Variants in HDGFL2 observed in about 807,000 individuals in gnomAD.
HDGFL2 encodes HDGF like 2, also known as hepatoma-derived growth factor-related protein 2.
Under a neutral mutation model 77.1 loss-of-function variants are expected in HDGFL2, and 36 were observed. That is an observed-to-expected ratio of 0.47 (90% CI 0.36 to 0.62). HDGFL2 has a LOEUF of 0.62. Among genes scored for constraint, HDGFL2 ranks in the 20% least tolerant of loss-of-function variants. The pLI is 0.00. For synonymous variants in HDGFL2, 463 were observed against 413.1 expected (o/e 1.12, Z -1.46); for missense variants, 976 against 973.4 (o/e 1.00, Z -0.04).
Position 4,501,190 on chromosome 19 carries a change from G to T in HDGFL2, c.1790-1G>T. 1 of 1,613,254 alleles carries T rather than the reference G, an allele frequency of 6.2e-7. No individual in the cohort carries two copies. The highest frequency in any genetic ancestry group is 8.5e-7 in the Non-Finnish European group (1 of 1,179,868). On this transcript the variant is annotated splice_acceptor_variant, in intron 14 of 15. Transcript: ENST00000616600. LOFTEE classifies it high-confidence loss of function. ...TCCTGTGACCCCTCTGTCCCACCCA[G>T]ATCTCTCAGCCCCAGTGAATGGCGA...
chr19:4,478,552 G>A (rs532585004), intron 3 of HDGFL2, among the ~76,000 whole-genome samples: 14 of 152,082 alleles, frequency 9.2e-5, no homozygotes, highest in African/African-American at 2.6e-4. Context: ...CACCAAGAGC[G>A]GACAGGAAGG....
chr19:4,478,958 C>T (rs1258609455), intron 3 of HDGFL2, among the ~76,000 whole-genome samples: 2 of 151,372 alleles, frequency 1.3e-5, no homozygotes, highest in Non-Finnish European at 2.9e-5. Context: ...GCTGGGATTA[C>T]AGGCGTGAGC....
In HDGFL2 at chr19:4,488,754, CG is replaced by C. The variant is rs914269467; in HGVS notation, c.373del (p.Val125SerfsTer7). ...TGACGCTGACGAGGACGATGAGGAC[CG>C]GGGGGTCATGGCCGTCACAGCGGTA... Reference protein sequence around the residue: ...GSDADEDDEDRGVMAVTAVTA... With the variant: ...GSDADEDDEDXGVMAVTAVTA... On this transcript the variant is annotated frameshift_variant, in exon 4 of 16. Transcript: ENST00000616600. LOFTEE classifies it high-confidence loss of function. 6.4e-7 allele frequency: 1 copy of C among 1,553,072 alleles called. No individual in the cohort carries two copies.
chr19:4,496,346 C>G lies in HDGFL2; in HGVS notation c.1269C>G (p.Pro423=), dbSNP rs796149023. The change falls in exon 10 of 16, where the codon CCC becomes CCG. Residue 423 remains proline (P), a synonymous_variant. Transcript: ENST00000616600. ...AGCCGCAGTCCTCAAGCACAGAGCCCGCCAGGAAACCTGGCCAGAAGGAGA... is the reference window on the plus strand; with the variant it reads ...AGCCGCAGTCCTCAAGCACAGAGCCGGCCAGGAAACCTGGCCAGAAGGAGA... The part of the protein sequence containing the change: ...AKKPQSSSTE[P]ARKPGQKEKR... 1 of 1,613,996 alleles carries G rather than the reference C, an allele frequency of 6.2e-7. No homozygotes were observed. The highest frequency in any genetic ancestry group is 8.5e-7 in the Non-Finnish European group (1 of 1,179,994).
intron 1 of HDGFL2, among the ~76,000 whole-genome samples, chr19:4,473,378 G>T (rs997129704): frequency 2.6e-5 from 4 of 151,896 alleles, no homozygotes; most frequent in African/African-American, 4.8e-5. Context: ...GTGTCTGGGG[G>T]TGTCCAGGGT....
chr19:4,501,371 G>T (rs747967548), intron 15 of HDGFL2, 54 bp downstream of exon 15: 3 of 1,533,028 alleles, frequency 2.0e-6, no homozygotes, highest in Non-Finnish European at 2.6e-6. Flanking sequence ...GGTGTGACGC[G>T]CACCCTGGGT....
rs761654777 is a variant in HDGFL2, at chr19:4,475,436, C to G, written c.150-9C>G. On this transcript the variant is annotated splice_polypyrimidine_tract_variant and intron_variant, in intron 2 of 15. Coordinates refer to ENST00000616600, the MANE Select transcript of HDGFL2 (RefSeq NM_001001520.3). ...TCACCTGGGACTGGCCCCCGTTTCC[C>G]TTCTCCAGAGCCTTCCTGGGACCCA... is the stretch of plus-strand genomic sequence containing the variant. 6.2e-7 allele frequency: 1 copy of G among 1,613,978 alleles called. No individual in the cohort carries two copies. The highest frequency in any genetic ancestry group is 1.7e-5 in the Admixed American group (1 of 59,942).
rs138463941 is a variant in HDGFL2, at chr19:4,474,869, C to G, written c.73-406C>G. ...GGGCCGTTTCTTGTAGCCCACCCCCCACCCTCTGCATCCTTGGAGCTGCCA... is the reference window on the plus strand; with the variant it reads ...GGGCCGTTTCTTGTAGCCCACCCCCGACCCTCTGCATCCTTGGAGCTGCCA... On this transcript the variant is annotated intron_variant, in intron 1 of 15. Transcript: ENST00000616600. The G allele has an allele frequency of 9.2e-3, 1,415 of 153,058 alleles. 16 individuals are homozygous for G. Among genetic ancestry groups the G allele is most frequent in the Middle Eastern group, 0.023 (7 of 310 alleles). 9.5% of individuals were successfully genotyped at this position (153,058 alleles called of 1,614,324 possible).
chr19:4,501,845 C>A, intron 15 of HDGFL2, 66 bp from the exon 16 acceptor site: 1 of 1,264,504 alleles, frequency 7.9e-7, no homozygotes, highest in Non-Finnish European at 1.0e-6. Flanking sequence ...CCATCCCACC[C>A]AACCGCCCTA....
chr19:4,498,916 G>T lies in HDGFL2; in HGVS notation c.1575+1G>T. ...AGACGTGGTGGCCACCTTGAAGAAG[G>T]TATGGCGGGGGAATCAGAGGCGCAG... On this transcript the variant is annotated splice_donor_variant, in intron 13 of 15. Transcript: ENST00000616600. LOFTEE classifies it high-confidence loss of function. 1 of 1,600,258 alleles carries T rather than the reference G, an allele frequency of 6.2e-7. No homozygotes were observed. Among genetic ancestry groups the T allele is most frequent in the Non-Finnish European group, 8.5e-7 (1 of 1,171,248 alleles).
At chr19:4,492,332 TGTC>T (rs1189639672) in intron 6 of HDGFL2, among the ~76,000 whole-genome samples, 13 of 124,972 alleles carry the variant, frequency 1.0e-4, no homozygotes, top group South Asian at 4.8e-4. Context: ...TGTGTGCACA[TGTC>T]GTGCCTGTGT....
At chr19:4,479,776 G>A (rs1468482947) in intron 3 of HDGFL2, among the ~76,000 whole-genome samples, 1 of 151,010 alleles carries the variant, frequency 6.6e-6, no homozygotes, top group Non-Finnish European at 1.5e-5. Context: ...TGTGGTGGTG[G>A]GCACCTGTAA....
Position 4,494,291 on chromosome 19 carries a change from A to G in HDGFL2, c.1040A>G (p.Lys347Arg). The change falls in exon 9 of 16, where the codon AAG (lysine) becomes AGG (arginine). Residue 347 changes from lysine (K) to arginine (R), a missense_variant. By Grantham distance (26) the Lys-to-Arg change is conservative (BLOSUM62 2). Transcript: ENST00000616600. ...EELRRLREQEKEEKERRRERA... is the reference protein window; with the variant it reads ...EELRRLREQEREEKERRRERA... ...CTGCGGCGCCTGCGGGAGCAGGAGA[A>G]GGAGGAGAAGGAGCGGAGGCGCGAG... is the stretch of plus-strand genomic sequence containing the variant. 6.9e-7 allele frequency: 1 copy of G among 1,444,888 alleles called. No homozygotes were observed. The highest frequency in any genetic ancestry group is 9.1e-7 in the Non-Finnish European group (1 of 1,102,530). 89.5% of individuals were successfully genotyped at this position (1,444,888 alleles called of 1,614,324 possible). A position where few individuals can be genotyped will look rare whatever the true frequency, so the allele number is the denominator to read the frequency against.
chr19:4,488,943 T>G, intron 4 of HDGFL2, 67 bp downstream of exon 4: 1 of 1,086,160 alleles, frequency 9.2e-7, no homozygotes, highest in Non-Finnish European at 1.3e-6. Flanking sequence ...GGCAGCTTGC[T>G]CTCCTGCCCT....
At chr19:4,498,455 C>T in intron 12 of HDGFL2, 79 bp downstream of exon 12, 1 of 1,183,420 alleles carries the variant, frequency 8.5e-7, no homozygotes, top group South Asian at 1.3e-5. Context: ...TCTCGGGAAA[C>T]TGAGGCAAAG....
chr19:4,478,216 TTG>T (rs1412951641), intron 3 of HDGFL2, among the ~76,000 whole-genome samples: 19 of 151,844 alleles, frequency 1.3e-4, no homozygotes, highest in African/African-American at 4.6e-4. Context: ...TTTTTGTTTT[TTG>T]TTTTGATGGA....
chr19:4,480,019 A>T (rs1233651833), intron 3 of HDGFL2, among the ~76,000 whole-genome samples: 2 of 108,878 alleles, frequency 1.8e-5, no homozygotes, highest in African/African-American at 8.0e-5. Flanking sequence ...AAGAGAGTAT[A>T]GCAGTGACAG....
At chr19:4,483,034 A>T (rs771516917) in intron 3 of HDGFL2, among the ~76,000 whole-genome samples, 1 of 152,212 alleles carries the variant, frequency 6.6e-6, no homozygotes, top group Non-Finnish European at 1.5e-5. Flanking sequence ...AACCCCAGGT[A>T]CGCGAGCCCT....
At position 4,502,072 on chromosome 19, in the gene HDGFL2, C is replaced by A. The variant is rs1207825602; in HGVS notation, c.*62C>A. Reference sequence around the variant, plus strand: ...AGGCTGCCCCTCTCCTTCCCCGGCTCGCAGGAGAGCAGAGCAGAGAACTGT... The same window carrying A: ...AGGCTGCCCCTCTCCTTCCCCGGCTAGCAGGAGAGCAGAGCAGAGAACTGT... On this transcript the variant is annotated 3_prime_UTR_variant, in exon 16 of 16. Transcript: ENST00000616600. 1 of 1,176,820 alleles carries A rather than the reference C, an allele frequency of 8.5e-7. No individual in the cohort carries two copies. Among genetic ancestry groups the A allele is most frequent in the Non-Finnish European group, 1.2e-6 (1 of 818,750 alleles). The allele number at this position is 1,176,820 out of a possible 1,614,324, so 72.9% of individuals were successfully genotyped here. A position where few individuals can be genotyped will look rare whatever the true frequency, so the allele number is the denominator to read the frequency against.
Sources: gnomAD v4.1 joint callset for allele counts (sites outside exome capture counted in the v4.1 genomes callset) on GRCh38, gnomAD v4.1.1 for gene constraint, MANE v1.5 for transcripts, NCBI Gene and HGNC (gene_info 2026-07-23, HGNC 2026-07-21) for gene names.